Variants in PLXDC1 observed in about 807,000 individuals in gnomAD.
The protein encoded by PLXDC1 is plexin domain containing 1, also known as plexin domain-containing protein 1.
PLXDC1 carries 39 observed loss-of-function variants against 61.3 expected under a neutral mutation model. The ratio of observed to expected loss-of-function variants is 0.64; its 90% confidence interval spans 0.49 to 0.83. PLXDC1 has a LOEUF of 0.83. Ranked by LOEUF, PLXDC1 falls within the 40% of genes least tolerant of loss-of-function variation. The pLI, the probability that PLXDC1 is intolerant of heterozygous loss-of-function variation, is 0.00. For synonymous variants in PLXDC1, 212 were observed against 254.5 expected (o/e 0.83, Z 1.59); for missense variants, 596 against 666.5 (o/e 0.89, Z 1.17).
intron 7 of PLXDC1, among the ~76,000 whole-genome samples, chr17:39,104,536 C>A (rs115962414): frequency 0.013 from 2,008 of 152,272 alleles, 52 homozygotes; most frequent in African/African-American, 0.042. Flanking sequence ...GTAATCCCAG[C>A]ACTTTGGGAT....
intron 7 of PLXDC1, among the ~76,000 whole-genome samples, chr17:39,095,541 T>C (rs1910156525): frequency 6.6e-6 from 1 of 151,994 alleles, no homozygotes; most frequent in South Asian, 2.1e-4. Flanking sequence ...TTCTGTTTTA[T>C]CTCTGCTTCC....
intron 11 of PLXDC1, among the ~76,000 whole-genome samples, chr17:39,072,803 T>G (rs1399854340): frequency 6.6e-6 from 1 of 152,142 alleles, no homozygotes; most frequent in Non-Finnish European, 1.5e-5. Flanking sequence ...GGGCTTTATG[T>G]GTCACAAGGT....
chr17:39,110,475 G>C (rs1207220149), intron 2 of PLXDC1, among the ~76,000 whole-genome samples: 1 of 152,220 alleles, frequency 6.6e-6, no homozygotes, highest in African/African-American at 2.4e-5. Context: ...CAGGGAAATG[G>C]TTGGCAGAAA....
Position 39,093,053 on chromosome 17 carries a change from A to G in PLXDC1, c.812-5351T>C, listed in dbSNP as rs114465083. ...AAAAGAGTCAAAGGGAAACATTTACATTTCTTTCTTTTTTGTTTTGTTTTG... is the reference window on the plus strand; with the variant it reads ...AAAAGAGTCAAAGGGAAACATTTACGTTTCTTTCTTTTTTGTTTTGTTTTG... On this transcript the variant is annotated intron_variant, in intron 7 of 13. Coordinates refer to ENST00000315392, the MANE Select transcript of PLXDC1 (RefSeq NM_020405.5). Among the ~76,000 whole-genome samples, 557 of 152,230 alleles carry G rather than the reference A, an allele frequency of 3.7e-3. 3 individuals are homozygous for G. Among genetic ancestry groups the G allele is most frequent in the African/African-American group, 0.012 (513 of 41,542 alleles).
At chr17:39,126,233 G>A (rs1218167793) in intron 2 of PLXDC1, among the ~76,000 whole-genome samples, 1 of 152,012 alleles carries the variant, frequency 6.6e-6, no homozygotes, top group South Asian at 2.1e-4. Context: ...CAGCCTGGGT[G>A]ACAAGAGTGA....
At chr17:39,141,434 A>G (rs1177869453) in intron 1 of PLXDC1, among the ~76,000 whole-genome samples, 2 of 152,244 alleles carry the variant, frequency 1.3e-5, no homozygotes, top group East Asian at 3.8e-4. Context: ...AATAAATTCA[A>G]GGTTCATTCA....
chr17:39,125,018 T>C (rs952932010), intron 2 of PLXDC1, among the ~76,000 whole-genome samples: 1 of 152,186 alleles, frequency 6.6e-6, no homozygotes, highest in African/African-American at 2.4e-5. Context: ...GGTCTCACCC[T>C]ATCAGCCAGG....
chr17:39,088,282 A>G (rs1428188642), intron 7 of PLXDC1, among the ~76,000 whole-genome samples: 1 of 152,182 alleles, frequency 6.6e-6, no homozygotes, highest in Non-Finnish European at 1.5e-5. Context: ...GCTGTCCACC[A>G]TCCACCTCAC....
chr17:39,112,953 C>T (rs997037549), intron 2 of PLXDC1: 1 of 152,178 alleles, frequency 6.6e-6, no homozygotes, highest in African/African-American at 2.4e-5. Flanking sequence ...ACGATATGTT[C>T]AAGTGTGAAC....
At chr17:39,145,336 A>T (rs1327127292) in intron 1 of PLXDC1, among the ~76,000 whole-genome samples, 1 of 152,046 alleles carries the variant, frequency 6.6e-6, no homozygotes, top group East Asian at 1.9e-4. Context: ...GGCAAGGGGG[A>T]ATGGGGCTGA....
Position 39,081,212 on chromosome 17 carries a change from A to G in PLXDC1, c.990-2048T>C, listed in dbSNP as rs568527011. The G allele has an allele frequency of 2.6e-5, 4 of 152,740 alleles. No homozygotes were observed. In the South Asian group the frequency reaches 8.3e-4, roughly 32 times the overall value. The allele number at this position is 152,740 out of a possible 1,614,324, so 9.5% of individuals were successfully genotyped here. ...GTATAAGGAGAGCCTCACAGTCTGCAGACTATTCTGCAACGCTCTGCTCCA... is the reference window on the plus strand; with the variant it reads ...GTATAAGGAGAGCCTCACAGTCTGCGGACTATTCTGCAACGCTCTGCTCCA... On this transcript the variant is annotated intron_variant, in intron 9 of 13. Coordinates refer to ENST00000315392, the MANE Select transcript of PLXDC1 (RefSeq NM_020405.5).
intron 9 of PLXDC1, among the ~76,000 whole-genome samples, chr17:39,083,180 A>G (rs1427037756): frequency 6.6e-6 from 1 of 152,210 alleles, no homozygotes. Flanking sequence ...ACTGGAGCCC[A>G]GGGTCTAATG....
At chr17:39,105,779 C>T (rs1910568983) in intron 7 of PLXDC1, 75 bp downstream of exon 7, 3 of 885,086 alleles carry the variant, frequency 3.4e-6, no homozygotes, top group South Asian at 1.6e-5. Flanking sequence ...CACTGCCATC[C>T]CCCCAGCAGC....
At chr17:39,112,810 C>G (rs1910855575) in intron 2 of PLXDC1, among the ~76,000 whole-genome samples, 1 of 152,088 alleles carries the variant, frequency 6.6e-6, no homozygotes. Flanking sequence ...AATAAACCTG[C>G]CTCCCTAAAT....
intron 7 of PLXDC1, among the ~76,000 whole-genome samples, chr17:39,104,125 G>A (rs916933009): frequency 6.6e-6 from 1 of 152,162 alleles, no homozygotes; most frequent in Admixed American, 6.6e-5. Context: ...ACTGTAGTGA[G>A]ATATTCTTAT....
intron 7 of PLXDC1, among the ~76,000 whole-genome samples, chr17:39,094,723 A>AGTC (rs2051443304): frequency 6.6e-6 from 1 of 152,182 alleles, no homozygotes; most frequent in Non-Finnish European, 1.5e-5. Flanking sequence ...GGTTACAAAT[A>AGTC]GTCATGAAAA....
intron 2 of PLXDC1, among the ~76,000 whole-genome samples, chr17:39,117,430 C>G (rs1319252740): frequency 6.6e-6 from 1 of 152,166 alleles, no homozygotes; most frequent in Non-Finnish European, 1.5e-5. Flanking sequence ...ACCGCAATGT[C>G]CACTTGCCAT....
chr17:39,104,806 T>C (rs1910538898), intron 7 of PLXDC1, among the ~76,000 whole-genome samples: 1 of 151,798 alleles, frequency 6.6e-6, no homozygotes. Context: ...TGTGCTCAGA[T>C]ACTGAATGCC....
chr17:39,078,020 T>G lies in PLXDC1; in HGVS notation c.1079A>C (p.Gln360Pro). The change falls in exon 11 of 14, where the codon CAG becomes CCG. Residue 360 changes from glutamine (Q) to proline (P), a missense_variant. Physicochemically the swap from Gln to Pro is moderately conservative, Grantham distance 76. Coordinates refer to ENST00000315392, the MANE Select transcript of PLXDC1 (RefSeq NM_020405.5). ...GGAGGCTGAGTCGTGGTCCTCATCC[T>G]GGAAGTCCTCGCACATCCTGCCCTC... ...EAEGRMCEDF[Q>P]DEDHDSASPD... 3 of 1,611,942 alleles carry G rather than the reference T, an allele frequency of 1.9e-6. 1 individual carries two copies. The South Asian group carries it at 3.3e-5, about 18-fold the overall frequency.
Sources: gnomAD v4.1 joint callset for allele counts (sites outside exome capture counted in the v4.1 genomes callset) on GRCh38, gnomAD v4.1.1 for gene constraint, MANE v1.5 for transcripts, NCBI Gene and HGNC (gene_info 2026-07-23, HGNC 2026-07-21) for gene names.